GPC6: variants seen among roughly 807,000 people sequenced by gnomAD.
GPC6 encodes the protein glypican 6.
Under a neutral mutation model 55.2 loss-of-function variants are expected in GPC6, and 14 were observed. The observed-to-expected ratio is 0.25, with a 90% CI of 0.17 to 0.40. GPC6 has a LOEUF of 0.40. Among genes scored for constraint, GPC6 ranks in the 10% least tolerant of loss-of-function variants. The pLI is 1.00. For synonymous variants in GPC6, 278 were observed against 259.6 expected, an observed-to-expected ratio of 1.07 and a Z score of -0.68; for missense variants, 641 against 708.5, an observed-to-expected ratio of 0.90 and a Z score of 1.08.
chr13:93,585,345 C>A (rs1047528981), intron 2 of GPC6, among the ~76,000 whole-genome samples: 1 of 152,244 alleles, frequency 6.6e-6, no homozygotes, highest in African/African-American at 2.4e-5. Context: ...TTAAAACACA[C>A]ACACACACAT....
At chr13:94,205,818 A>T (rs1315552890) in intron 4 of GPC6, among the ~76,000 whole-genome samples, 1 of 152,198 alleles carries the variant, frequency 6.6e-6, no homozygotes, top group Admixed American at 6.5e-5. Context: ...CAGGATCCTG[A>T]ATATAAAGAG....
intron 2 of GPC6, among the ~76,000 whole-genome samples, chr13:93,712,320 TA>T (rs1883096247): frequency 6.6e-6 from 1 of 151,706 alleles, no homozygotes. Context: ...AAAACTATCA[TA>T]ATAGGGCAAT....
At chr13:93,979,683 C>G (rs1037885115) in intron 3 of GPC6, among the ~76,000 whole-genome samples, 1 of 152,034 alleles carries the variant, frequency 6.6e-6, no homozygotes, top group Admixed American at 6.6e-5. Flanking sequence ...TATTATTAAA[C>G]CTGCACAGTA....
chr13:93,524,846 T>C (rs2139404966), intron 1 of GPC6, among the ~76,000 whole-genome samples: 1 of 152,216 alleles, frequency 6.6e-6, no homozygotes, highest in South Asian at 2.1e-4. Context: ...AAGCCAGCAC[T>C]GAATGTGTGT....
intron 3 of GPC6, among the ~76,000 whole-genome samples, chr13:93,984,054 T>A (rs960416646): frequency 2.6e-5 from 4 of 151,588 alleles, no homozygotes; most frequent in Non-Finnish European, 5.9e-5. Flanking sequence ...TTATTTATTT[T>A]TGCTAAAGAG....
intron 4 of GPC6, among the ~76,000 whole-genome samples, chr13:94,221,554 C>G (rs1343396192): frequency 1.3e-5 from 2 of 152,082 alleles, no homozygotes; most frequent in East Asian, 3.9e-4. Flanking sequence ...TATGCTCACA[C>G]CTTGTTCTGT....
chr13:94,334,894 C>T (rs1877602714), intron 6 of GPC6, among the ~76,000 whole-genome samples: 1 of 152,132 alleles, frequency 6.6e-6, no homozygotes. Context: ...AATAGTTATA[C>T]CTAATTTATA....
At chr13:94,043,280 G>C (rs1195240272) in intron 4 of GPC6, among the ~76,000 whole-genome samples, 1 of 151,726 alleles carries the variant, frequency 6.6e-6, no homozygotes, top group East Asian at 1.9e-4. Context: ...ATGAAGCCCT[G>C]TCTCCAAAAT....
chr13:94,201,803 G>A (rs938768503), intron 4 of GPC6, among the ~76,000 whole-genome samples: 1 of 152,058 alleles, frequency 6.6e-6, no homozygotes, highest in East Asian at 1.9e-4. Flanking sequence ...ACAAAAATTA[G>A]CTGGGCGTGG....
intron 5 of GPC6, among the ~76,000 whole-genome samples, chr13:94,288,125 A>T (rs1892581409): frequency 1.3e-5 from 2 of 152,118 alleles, no homozygotes; most frequent in South Asian, 4.1e-4. Flanking sequence ...CTTACTTTCT[A>T]AAAGGAGAGA....
At chr13:93,283,987 A>G (rs948207913) in intron 1 of GPC6, among the ~76,000 whole-genome samples, 5 of 152,238 alleles carry the variant, frequency 3.3e-5, no homozygotes, top group Non-Finnish European at 7.3e-5. Flanking sequence ...TGGACAATCT[A>G]GAATTGACAA....
At chr13:94,256,359 C>T (rs1037757822) in intron 4 of GPC6, among the ~76,000 whole-genome samples, 14 of 152,096 alleles carry the variant, frequency 9.2e-5, no homozygotes, top group Non-Finnish European at 1.6e-4. Flanking sequence ...TGAAAGACAA[C>T]TAAAGAGTGT....
At chr13:93,681,782 G>A (rs887348665) in intron 2 of GPC6, among the ~76,000 whole-genome samples, 2 of 152,066 alleles carry the variant, frequency 1.3e-5, no homozygotes, top group East Asian at 1.9e-4. Context: ...AAATTTTCTC[G>A]AACTTTAACT....
At chr13:93,988,537 C>G (rs1594645481) in intron 3 of GPC6, among the ~76,000 whole-genome samples, 1 of 152,256 alleles carries the variant, frequency 6.6e-6, no homozygotes, top group Middle Eastern at 3.4e-3. Flanking sequence ...AATCCAAGAT[C>G]AAGGTGCCAG....
In GPC6 at chr13:93,538,206, C is replaced by T. The variant is rs189026847; in HGVS notation, c.161-7057C>T. Among the ~76,000 whole-genome samples, 1,099 of 152,120 alleles carry T rather than the reference C, an allele frequency of 7.2e-3. 4 individuals are homozygous for T. The highest frequency in any genetic ancestry group is 0.012 in the Non-Finnish European group (820 of 68,006). ...TAAGCTGTCAGGGTAACCTTGATGT[C>T]TAGATACTTAACTTTTTCTTCTAAG... On this transcript the variant is annotated intron_variant, in intron 1 of 8. Transcript: ENST00000377047.
At chr13:93,618,221 G>A (rs1878806141) in intron 2 of GPC6, among the ~76,000 whole-genome samples, 1 of 151,904 alleles carries the variant, frequency 6.6e-6, no homozygotes, top group African/African-American at 2.4e-5. Context: ...GTACACATAT[G>A]TATATTTATG....
At chr13:93,729,164 A>G (rs1883742134) in intron 2 of GPC6, among the ~76,000 whole-genome samples, 1 of 152,192 alleles carries the variant, frequency 6.6e-6, no homozygotes, top group Non-Finnish European at 1.5e-5. Context: ...ATAGTCTTAA[A>G]TAGAGTCCTG....
chr13:94,053,489 C>G (rs923004800), intron 4 of GPC6, among the ~76,000 whole-genome samples: 29 of 152,142 alleles, frequency 1.9e-4, no homozygotes, highest in African/African-American at 6.7e-4. Flanking sequence ...TTAGGTATTA[C>G]CCAATAAATT....
intron 3 of GPC6, among the ~76,000 whole-genome samples, chr13:94,025,841 A>G (rs1226539643): frequency 6.6e-6 from 1 of 152,138 alleles, no homozygotes; most frequent in East Asian, 1.9e-4. Flanking sequence ...CTGACTTTCT[A>G]TTGTTGATCA....
Sources: gnomAD v4.1 joint callset for allele counts (sites outside exome capture counted in the v4.1 genomes callset) on GRCh38, gnomAD v4.1.1 for gene constraint, MANE v1.5 for transcripts, NCBI Gene and HGNC (gene_info 2026-07-23, HGNC 2026-07-21) for gene names.